The following FGF14 variants were observed in gnomAD, a reference collection of about 807,000 sequenced individuals.
FGF14 encodes the protein fibroblast growth factor homologous factor 4.
FGF14 carries 5 observed loss-of-function variants against 25.5 expected under a neutral mutation model. That is an observed-to-expected ratio of 0.20 (90% CI 0.10 to 0.41). The LOEUF is 0.41. Ranked by LOEUF, FGF14 falls within the 10% of genes least tolerant of loss-of-function variation. The probability of loss-of-function intolerance (pLI) is 1.00; values close to 1 mark genes in which losing one functional copy is unlikely to be tolerated. For missense variants in FGF14, 222 were observed against 320.1 expected (o/e 0.69, Z 2.34); for synonymous variants, 138 against 118.3 (o/e 1.17, Z -1.08).
chr13:102,160,645 C>T (rs1052929286), intron 1 of FGF14, among the ~76,000 whole-genome samples: 2 of 152,002 alleles, frequency 1.3e-5, no homozygotes, highest in African/African-American at 4.8e-5. Flanking sequence ...AAGATAAAAA[C>T]ATGTTCCACA....
intron 1 of FGF14, among the ~76,000 whole-genome samples, chr13:102,130,726 A>G (rs2046161016): frequency 6.6e-6 from 1 of 152,178 alleles, no homozygotes; most frequent in African/African-American, 2.4e-5. Context: ...CTAGGATGAC[A>G]CTTTCAAACA....
At chr13:102,154,575 A>C (rs1225111880) in intron 1 of FGF14, among the ~76,000 whole-genome samples, 1 of 152,220 alleles carries the variant, frequency 6.6e-6, no homozygotes, top group African/African-American at 2.4e-5. Context: ...CCAAATTGTA[A>C]AGATCATCGA....
chr13:102,277,560 G>A (rs1311722276), intron 1 of FGF14, among the ~76,000 whole-genome samples: 1 of 152,194 alleles, frequency 6.6e-6, no homozygotes, highest in Non-Finnish European at 1.5e-5. Flanking sequence ...GCTCCAGGCA[G>A]ATCGGGAGGC....
chr13:102,091,874 A>T (rs1396461786), intron 1 of FGF14, among the ~76,000 whole-genome samples: 1 of 152,214 alleles, frequency 6.6e-6, no homozygotes, highest in Non-Finnish European at 1.5e-5. Context: ...CTGTTCAAAT[A>T]GCTGGTATCA....
intron 1 of FGF14, among the ~76,000 whole-genome samples, chr13:102,398,896 T>A (rs4771427): frequency 1.4e-5 from 2 of 141,184 alleles, no homozygotes; most frequent in South Asian, 4.4e-4. Flanking sequence ...GTATAATATA[T>A]AATATATATA....
intron 1 of FGF14, among the ~76,000 whole-genome samples, chr13:102,146,551 C>A (rs1403080751): frequency 6.6e-6 from 1 of 152,158 alleles, no homozygotes; most frequent in Non-Finnish European, 1.5e-5. Flanking sequence ...CTAGAAGACA[C>A]TCTTTTCCAT....
At chr13:102,320,429 G>A (rs1240311161) in intron 1 of FGF14, among the ~76,000 whole-genome samples, 1 of 152,156 alleles carries the variant, frequency 6.6e-6, no homozygotes, top group Non-Finnish European at 1.5e-5. Context: ...TTCAGTTGGT[G>A]CTGCACTGGA....
intron 3 of FGF14, among the ~76,000 whole-genome samples, chr13:101,738,944 A>ATG (rs200237269): frequency 0.059 from 4,953 of 84,016 alleles, 130 homozygotes; most frequent in Non-Finnish European, 0.1. Context: ...TATATATTGT[A>ATG]TGTGTGTGTG....
intron 1 of FGF14, among the ~76,000 whole-genome samples, chr13:102,306,103 C>G (rs763369355): frequency 5.3e-5 from 8 of 152,170 alleles, no homozygotes; most frequent in Non-Finnish European, 1.2e-4. Context: ...CTGTAAACCC[C>G]TAGGTTACCA....
chr13:101,962,483 T>C (rs1391804322), intron 1 of FGF14, among the ~76,000 whole-genome samples: 1 of 152,134 alleles, frequency 6.6e-6, no homozygotes, highest in Non-Finnish European at 1.5e-5. Flanking sequence ...AATTAATAGG[T>C]CCTAATAACC....
intron 1 of FGF14, among the ~76,000 whole-genome samples, chr13:102,049,580 A>G (rs941911754): frequency 1.3e-5 from 2 of 152,200 alleles, no homozygotes; most frequent in Non-Finnish European, 2.9e-5. Context: ...CCTCATTCAT[A>G]TATTAAGGTT....
intron 3 of FGF14, among the ~76,000 whole-genome samples, chr13:101,864,497 C>A (rs7998728): frequency 6.6e-6 from 1 of 152,084 alleles, no homozygotes; most frequent in Non-Finnish European, 1.5e-5. Flanking sequence ...TGTTGATTCT[C>A]GGGCCTCCCA....
At chr13:102,028,410 G>A (rs953963933) in intron 1 of FGF14, among the ~76,000 whole-genome samples, 6 of 152,088 alleles carry the variant, frequency 3.9e-5, no homozygotes, top group Non-Finnish European at 8.8e-5. Context: ...GACCCAGAAA[G>A]CAGGCCTTGC....
chr13:102,002,242 A>G (rs2039535860), intron 1 of FGF14: 1 of 152,236 alleles, frequency 6.6e-6, no homozygotes, highest in Non-Finnish European at 1.5e-5. Context: ...TTCACAGTTA[A>G]TTTCCAATGA....
chr13:102,213,194 G>C (rs1265664520), intron 1 of FGF14, among the ~76,000 whole-genome samples: 1 of 152,138 alleles, frequency 6.6e-6, no homozygotes, highest in Non-Finnish European at 1.5e-5. Flanking sequence ...GAACAACCCA[G>C]GGAATTCTGC....
intron 3 of FGF14, among the ~76,000 whole-genome samples, chr13:101,835,005 T>C (rs2140295939): frequency 6.6e-6 from 1 of 152,196 alleles, no homozygotes; most frequent in African/African-American, 2.4e-5. Context: ...TTAACTATGA[T>C]GGCCTATGGA....
chr13:101,780,981 G>T (rs1456850006), intron 3 of FGF14, among the ~76,000 whole-genome samples: 1 of 152,050 alleles, frequency 6.6e-6, no homozygotes, highest in African/African-American at 2.4e-5. Context: ...TTTCGTGCGC[G>T]TGCCTCATCA....
intron 1 of FGF14, among the ~76,000 whole-genome samples, chr13:102,254,061 G>A (rs2052327366): frequency 6.6e-6 from 1 of 152,184 alleles, no homozygotes; most frequent in Non-Finnish European, 1.5e-5. Flanking sequence ...CCCAAGGGTA[G>A]TAAGGTTTCC....
At chr13:102,118,660 A>G (rs750418374) in intron 1 of FGF14, among the ~76,000 whole-genome samples, 4 of 152,058 alleles carry the variant, frequency 2.6e-5, no homozygotes, top group Non-Finnish European at 4.4e-5. Context: ...AATTCACTAT[A>G]TTTCCTTCTT....
Sources: allele counts gnomAD v4.1 joint callset (sites outside exome capture counted in the v4.1 genomes callset), GRCh38; gene constraint gnomAD v4.1.1; transcripts MANE v1.5; gene names NCBI Gene and HGNC (gene_info 2026-07-23, HGNC 2026-07-21).